Variants in ATXN1 observed in about 807,000 individuals in gnomAD.
The protein encoded by ATXN1 is ataxin-1.
Under a neutral mutation model 56.4 loss-of-function variants are expected in ATXN1, and 8 were observed. That is an observed-to-expected ratio of 0.14 (90% CI 0.08 to 0.26). The LOEUF is 0.26. Ranked by LOEUF, ATXN1 falls within the 10% of genes least tolerant of loss-of-function variation. The pLI is 1.00. For synonymous variants in ATXN1, 514 were observed against 494.6 expected, an observed-to-expected ratio of 1.04 and a Z score of -0.52; for missense variants, 987 against 1,106.5, an observed-to-expected ratio of 0.89 and a Z score of 1.53.
chr6:16,677,928 GTGTT>G (rs764839681), intron 2 of ATXN1, among the ~76,000 whole-genome samples: 17 of 152,186 alleles, frequency 1.1e-4, no homozygotes, highest in African/African-American at 2.9e-4. Context: ...CATCTGAAAA[GTGTT>G]TGGTGCACTC....
At chr6:16,534,262 G>A (rs571805020) in intron 4 of ATXN1, among the ~76,000 whole-genome samples, 50 of 151,942 alleles carry the variant, frequency 3.3e-4, no homozygotes, top group African/African-American at 1.2e-3. Flanking sequence ...ACCGTTAAGA[G>A]TTTTAACCAA....
rs2113765985 is a variant in ATXN1, at chr6:16,586,504, T to C, written c.-488-597A>G. Among the ~76,000 whole-genome samples the C allele has an allele frequency of 4.6e-5, 7 of 152,338 alleles. No homozygotes were observed. The South Asian group carries it at 1.4e-3, about 32-fold the overall frequency. On this transcript the variant is annotated intron_variant, in intron 3 of 7. Transcript: ENST00000436367. Reference sequence around the variant, plus strand: ...ATTTACTATGTTCTGGGCCATGTGCTAAGGGCTTTACACACATTGCCCCAC... The same window carrying C: ...ATTTACTATGTTCTGGGCCATGTGCCAAGGGCTTTACACACATTGCCCCAC...
At chr6:16,344,922 T>C (rs1291157251) in intron 6 of ATXN1, among the ~76,000 whole-genome samples, 1 of 152,236 alleles carries the variant, frequency 6.6e-6, no homozygotes, top group African/African-American at 2.4e-5. Flanking sequence ...TTCCGGCTGC[T>C]GCAATCCTTG....
chr6:16,493,893 A>C (rs1224211978), intron 5 of ATXN1, among the ~76,000 whole-genome samples: 1 of 152,076 alleles, frequency 6.6e-6, no homozygotes, highest in Non-Finnish European at 1.5e-5. Context: ...ACTAAAGGTA[A>C]CTCTTTGTAT....
chr6:16,424,765 G>A (rs746408905), intron 6 of ATXN1, among the ~76,000 whole-genome samples: 6 of 152,218 alleles, frequency 3.9e-5, no homozygotes, highest in Non-Finnish European at 7.4e-5. Flanking sequence ...AGTGTTTCAG[G>A]TGCAAAGGAA....
At chr6:16,395,621 A>G (rs547037331) in intron 6 of ATXN1, among the ~76,000 whole-genome samples, 1 of 152,244 alleles carries the variant, frequency 6.6e-6, no homozygotes, top group Non-Finnish European at 1.5e-5. Flanking sequence ...CGCACAGTAC[A>G]TAATAGTTGA....
At chr6:16,364,210 G>A (rs2113479653) in intron 6 of ATXN1, among the ~76,000 whole-genome samples, 1 of 152,288 alleles carries the variant, frequency 6.6e-6, no homozygotes, top group Non-Finnish European at 1.5e-5. Flanking sequence ...CTCTGATTCA[G>A]AGCACCTCAT....
intron 4 of ATXN1, among the ~76,000 whole-genome samples, chr6:16,552,334 C>A (rs1761936543): frequency 6.6e-6 from 1 of 152,136 alleles, no homozygotes; most frequent in Non-Finnish European, 1.5e-5. Flanking sequence ...TGGGGAGTGT[C>A]CCCCATAAAG....
intron 6 of ATXN1, among the ~76,000 whole-genome samples, chr6:16,342,796 C>G (rs1434696442): frequency 1.3e-5 from 2 of 152,144 alleles, no homozygotes; most frequent in Non-Finnish European, 2.9e-5. Context: ...TCATATGATT[C>G]CCCTTCTATG....
intron 2 of ATXN1, among the ~76,000 whole-genome samples, chr6:16,744,500 G>A (rs1200580119): frequency 6.6e-6 from 1 of 152,116 alleles, no homozygotes; most frequent in Non-Finnish European, 1.5e-5. Flanking sequence ...TCTACCCACT[G>A]CTCCCAGGAC....
intron 6 of ATXN1, among the ~76,000 whole-genome samples, chr6:16,474,303 T>C (rs1050195319): frequency 5.3e-5 from 8 of 152,254 alleles, no homozygotes; most frequent in Admixed American, 2.6e-4. Context: ...ACTCATGCAC[T>C]GGGGCTTGCC....
At chr6:16,444,655 G>C (rs551046337) in intron 6 of ATXN1, among the ~76,000 whole-genome samples, 1 of 152,032 alleles carries the variant, frequency 6.6e-6, no homozygotes, top group Admixed American at 6.6e-5. Context: ...CTGAAGCACC[G>C]GGTAGATAAA....
chr6:16,404,264 G>A (rs1242595387), intron 6 of ATXN1, among the ~76,000 whole-genome samples: 1 of 152,226 alleles, frequency 6.6e-6, no homozygotes, highest in African/African-American at 2.4e-5. Flanking sequence ...TTCTTGGAGA[G>A]TTCTTTAAAG....
intron 2 of ATXN1, among the ~76,000 whole-genome samples, chr6:16,743,515 T>C (rs1760414301): frequency 6.6e-6 from 1 of 152,162 alleles, no homozygotes; most frequent in Non-Finnish European, 1.5e-5. Flanking sequence ...TCACATCCAA[T>C]TTGTAACATA....
At chr6:16,443,788 T>C (rs1206378171) in intron 6 of ATXN1, among the ~76,000 whole-genome samples, 1 of 152,082 alleles carries the variant, frequency 6.6e-6, no homozygotes, top group Non-Finnish European at 1.5e-5. Context: ...TTGTGGCACA[T>C]CAGTATAAAC....
At chr6:16,759,503 G>A (rs1760991612) in intron 1 of ATXN1, among the ~76,000 whole-genome samples, 1 of 130,676 alleles carries the variant, frequency 7.7e-6, no homozygotes, top group Non-Finnish European at 1.5e-5. Flanking sequence ...GCCACATCGC[G>A]CATTATATAA....
chr6:16,759,164 G>A (rs78217985), intron 1 of ATXN1, among the ~76,000 whole-genome samples: 6,274 of 152,308 alleles, frequency 0.041, 196 homozygotes, highest in Non-Finnish European at 0.061. Context: ...ACTGCTGTGT[G>A]CAATATATAA....
chr6:16,358,869 G>A (rs1057433076), intron 6 of ATXN1, among the ~76,000 whole-genome samples: 5 of 152,206 alleles, frequency 3.3e-5, no homozygotes, highest in South Asian at 2.1e-4. Context: ...CCGCACCCAC[G>A]GCTGCAGACC....
At chr6:16,406,220 G>T (rs762838644) in intron 6 of ATXN1, among the ~76,000 whole-genome samples, 11 of 152,168 alleles carry the variant, frequency 7.2e-5, no homozygotes, top group Non-Finnish European at 1.5e-4. Context: ...GTGAAGGAAT[G>T]ATGAGGTCAA....
Sources: allele counts gnomAD v4.1 joint callset (sites outside exome capture counted in the v4.1 genomes callset), GRCh38; gene constraint gnomAD v4.1.1; transcripts MANE v1.5; gene names NCBI Gene and HGNC (gene_info 2026-07-23, HGNC 2026-07-21).